The following ARHGEF1 variants were observed in gnomAD, a reference collection of about 807,000 sequenced individuals.
The protein encoded by ARHGEF1 is Rho guanine nucleotide exchange factor 1, also known as 115 kDa guanine nucleotide exchange factor.
A neutral mutation model predicts 119.7 loss-of-function variants in ARHGEF1; 40 were observed. The ratio of observed to expected loss-of-function variants is 0.33; its 90% CI spans 0.26 to 0.44. The LOEUF is 0.44. ARHGEF1 is among the 20% of genes least tolerant of loss of function. The pLI is 1.00. For missense variants in ARHGEF1, 976 were observed against 1,268.3 expected (o/e 0.77, Z 3.50); for synonymous variants, 494 against 521.0 (o/e 0.95, Z 0.71).
At chr19:41,922,332 C>T (rs1555852563), upstream of ARHGEF1, among the ~76,000 whole-genome samples, 1 of 152,108 alleles carries the variant, frequency 6.6e-6, no homozygotes, top group Non-Finnish European at 1.5e-5. Flanking sequence ...GGACAGAAAG[C>T]AGGAGATCAA....
Position 41,906,055 on chromosome 19 carries a change from C to T in ARHGEF1, c.2491+30C>T, listed in dbSNP as rs782214427. 3.8e-6 allele frequency: 6 copies of T among 1,599,874 alleles called. No individual in the cohort carries two copies. The African/African-American group carries it at 6.7e-5, about 18-fold the overall frequency. On this transcript the variant is annotated intron_variant, in intron 26 of 28. Coordinates refer to ENST00000354532, the MANE Select transcript of ARHGEF1 (RefSeq NM_004706.4). The surrounding 1 kb of genome is among the most constrained non-coding windows in gnomAD (Gnocchi z 4.5). ...CCCAGCTCTGCCCCTCCAGGGTGGCCACCAGCCCAAACAGTGCCTCTGTTC... is the reference window on the plus strand; with the variant it reads ...CCCAGCTCTGCCCCTCCAGGGTGGCTACCAGCCCAAACAGTGCCTCTGTTC...
chr19:41,913,128 C>T (rs1179685676), intron 18 of ARHGEF1, among the ~76,000 whole-genome samples: 1 of 152,066 alleles, frequency 6.6e-6, no homozygotes, highest in Non-Finnish European at 1.5e-5. Context: ...GCCCCGAGAC[C>T]CCGTTCCTTC....
Position 41,907,242 on chromosome 19 carries a change from G to T in ARHGEF1, c.*155G>T, listed in dbSNP as rs1298013038. ...CACGCCTGGGAGGGGCCCAGCTGGG[G>T]TTACTGGCCCCGCATGAGCCTCGGC... On this transcript the variant is annotated 3_prime_UTR_variant, in exon 29 of 29. Transcript: ENST00000354532. 1.3e-6 allele frequency: 2 copies of T among 1,521,276 alleles called. No individual in the cohort carries two copies. The highest frequency in any genetic ancestry group is 1.4e-5 in the African/African-American group (1 of 72,580). The allele number at this position is 1,521,276 out of a possible 1,614,324, so 94.2% of individuals were successfully genotyped here. A position where few individuals can be genotyped will look rare whatever the true frequency, so the allele number is the denominator to read the frequency against.
downstream of ARHGEF1, among the ~76,000 whole-genome samples, chr19:41,911,774 C>T (rs1327276804): frequency 1.3e-5 from 2 of 152,136 alleles, no homozygotes; most frequent in African/African-American, 4.8e-5. Flanking sequence ...ACACCCAACC[C>T]GATACTCCAT....
Position 41,903,338 on chromosome 19 carries a change from G to A in ARHGEF1, c.1770G>A (p.Leu590=), listed in dbSNP as rs782166356. 73 of 1,613,828 alleles carry A rather than the reference G, an allele frequency of 4.5e-5. No individual in the cohort carries two copies. The highest frequency in any genetic ancestry group is 5.8e-5 in the Non-Finnish European group (68 of 1,180,036). The stretch of plus-strand genomic sequence containing the variant: ...CCACAGAACGGGAGAAAGTGGAGCT[G>A]GCAGCCGAGTGCTGCCGGGAAATTC... The part of the protein sequence containing the change: ...EEPTEREKVE[L]AAECCREILH... Residue 590 remains leucine, a synonymous_variant, in exon 19 of 29, where the codon CTG becomes CTA. Coordinates refer to ENST00000354532, the MANE Select transcript of ARHGEF1 (RefSeq NM_004706.4). This position sits in a 1 kb window ranked among gnomAD's most constrained non-coding sequence, Gnocchi z 4.2.
downstream of ARHGEF1, chr19:41,907,527 C>T: frequency 1.1e-6 from 1 of 938,912 alleles, no homozygotes; most frequent in South Asian, 1.8e-5. Flanking sequence ...GCGTTGACAT[C>T]CTGGGTCTGT....
upstream of ARHGEF1, among the ~76,000 whole-genome samples, chr19:41,920,457 G>A (rs1416891315): frequency 4.9e-5 from 7 of 142,836 alleles, no homozygotes; most frequent in South Asian, 2.5e-4. Flanking sequence ...GACATGACAC[G>A]CCCAGACATG....
At position 41,892,036 on chromosome 19, in the gene ARHGEF1, G is replaced by A; in HGVS notation, c.237G>A (p.Leu79=). The change falls in exon 5 of 29, where the codon CTG becomes CTA. Residue 79 remains leucine, a synonymous_variant. Transcript: ENST00000354532. The surrounding 1 kb of genome is among the most constrained non-coding windows in gnomAD (Gnocchi z 6.3). ...TGTGTCTCCCCCAGCTTTGCTGTCTGCATGCCGACATGCTGGGCTCACTGG... is the reference window on the plus strand; with the variant it reads ...TGTGTCTCCCCCAGCTTTGCTGTCTACATGCCGACATGCTGGGCTCACTGG... ...QFEPGPLLCC[L]HADMLGSLGP... is the part of the protein sequence containing the mutation. 6.2e-7 allele frequency: 1 copy of A among 1,608,692 alleles called. No homozygotes were observed. Among genetic ancestry groups the A allele is most frequent in the Non-Finnish European group, 8.5e-7 (1 of 1,176,430 alleles).
chr19:41,897,258 G>T, intron 13 of ARHGEF1: 4 of 1,281,342 alleles, frequency 3.1e-6, no homozygotes, highest in Non-Finnish European at 3.1e-6. Flanking sequence ...TGGGTGCGGG[G>T]AGGTGGGTCA....
chr19:41,896,283 G>A (rs1417732409), intron 12 of ARHGEF1, 94 bp from the exon 13 acceptor site: 3 of 568,268 alleles, frequency 5.3e-6, no homozygotes, highest in Admixed American at 7.2e-5. Flanking sequence ...GCCAGGCACT[G>A]GGTAGCTTTA....
downstream of ARHGEF1, chr19:41,907,460 G>A: frequency 2.7e-6 from 4 of 1,478,090 alleles, no homozygotes; most frequent in East Asian, 7.6e-5. Context: ...AGAGATCTGT[G>A]TGTGTGATGG....
chr19:41,897,723 C>T (rs1370437155), intron 13 of ARHGEF1: 4 of 453,586 alleles, frequency 8.8e-6, no homozygotes, highest in African/African-American at 8.2e-5. Flanking sequence ...CCTGGTCTCT[C>T]CCTGTCTCTG....
At position 41,904,907 on chromosome 19, in the gene ARHGEF1, G is replaced by A; in HGVS notation, c.2162-42G>A. On this transcript the variant is annotated intron_variant, in intron 22 of 28. Coordinates refer to ENST00000354532, the MANE Select transcript of ARHGEF1 (RefSeq NM_004706.4). The surrounding 1 kb of genome is among the most constrained non-coding windows in gnomAD (Gnocchi z 8.4). The stretch of plus-strand genomic sequence containing the variant: ...GTGCTTAGGGAGGGGCAGGCACTGG[G>A]GGGACCTGGGCTCTGAGCCCCATCT... 1.9e-6 allele frequency: 3 copies of A among 1,558,270 alleles called. No homozygotes were observed. Among genetic ancestry groups the A allele is most frequent in the Non-Finnish European group, 2.7e-6 (3 of 1,129,748 alleles).
rs1555851602 is a variant in ARHGEF1, at chr19:41,914,606, C to CTGTCTA, written c.1865+7804_1865+7805insGTCTAT. 4.5e-4 allele frequency among the ~76,000 whole-genome samples: 27 copies of CTGTCTA among 59,580 alleles called. 2 individuals are homozygous for CTGTCTA. The highest frequency in any genetic ancestry group is 2.1e-3 in the African/African-American group (22 of 10,382). 39.1% of individuals were successfully genotyped at this position (59,580 alleles called of 152,430 possible). On this transcript the variant is annotated intron_variant, in intron 18 of 20. Coordinates refer to the ARHGEF1 transcript ENST00000599589. ...CCCTCCCTTTCCACCATCTCTGTCT[C>CTGTCTA]TCCCTCCCCTTCCACCATCTCTGTC... is the stretch of plus-strand genomic sequence containing the variant.
chr19:41,912,886 C>G, intron 18 of ARHGEF1: 1 of 1,231,236 alleles, frequency 8.1e-7, no homozygotes. Flanking sequence ...GCGGGCGGGG[C>G]GAAGAGAAGG....
Position 41,893,820 on chromosome 19 carries a change from T to TG in ARHGEF1, c.645-382dup, listed in dbSNP as rs1193144394. Reference sequence around the variant, plus strand: ...TCCTGGGTCTGAGGGAGGAGGGGGCTGGGGGCCTGGACTCCTGGGTCTGAG... The same window carrying TG: ...TCCTGGGTCTGAGGGAGGAGGGGGCTGGGGGGCCTGGACTCCTGGGTCTGAG... On this transcript the variant is annotated intron_variant, in intron 8 of 28. Coordinates refer to ENST00000354532, the MANE Select transcript of ARHGEF1 (RefSeq NM_004706.4). Among the ~76,000 whole-genome samples, 15 of 46,812 alleles carry TG rather than the reference T, an allele frequency of 3.2e-4. No homozygotes were observed. The South Asian group carries it at 8.7e-3, about 27-fold the overall frequency. 30.7% of individuals were successfully genotyped at this position (46,812 alleles called of 152,430 possible).
Position 41,901,883 on chromosome 19 carries a change from G to A in ARHGEF1, c.1268-4G>A. On this transcript the variant is annotated splice_polypyrimidine_tract_variant and splice_region_variant and intron_variant, in intron 14 of 28. Coordinates refer to ENST00000354532, the MANE Select transcript of ARHGEF1 (RefSeq NM_004706.4). The stretch of plus-strand genomic sequence containing the variant: ...ACATGCTTCCTGCTTTGGTGGCCCT[G>A]CAGAGCTGCTGGTGACAGAGGCGGC... The A allele has an allele frequency of 6.2e-7, 1 of 1,608,462 alleles. No individual in the cohort carries two copies. Among genetic ancestry groups the A allele is most frequent in the Non-Finnish European group, 8.5e-7 (1 of 1,179,872 alleles).
rs1555850031 is a variant in ARHGEF1, at chr19:41,905,770, C to T, written c.2347C>T (p.Pro783Ser). ...PRPSPSSTRE[P>S]LLSSSENGNG... ...ACTTCCTCCCCTCAGCACCCGAGAA[C>T]CCCTCCTCAGCAGCTCTGAGAACGG... The change falls in exon 25 of 29, where the codon CCC becomes TCC. Residue 783 changes from proline to serine, a missense_variant. Physicochemically the swap from Pro to Ser is moderately conservative, Grantham distance 74. Around this residue, in one of 3 missense-constraint regions of ARHGEF1, gnomAD observed 171 missense variants for 180.6 expected, o/e 0.95. Coordinates refer to ENST00000354532, the MANE Select transcript of ARHGEF1 (RefSeq NM_004706.4). The surrounding 1 kb of genome is among the most constrained non-coding windows in gnomAD (Gnocchi z 6.4). 1.9e-6 allele frequency: 3 copies of T among 1,614,112 alleles called. No individual in the cohort carries two copies. Among genetic ancestry groups the T allele is most frequent in the Non-Finnish European group, 2.5e-6 (3 of 1,180,014 alleles).
In ARHGEF1 at chr19:41,907,354, T is replaced by A. The variant is rs991598842; in HGVS notation, c.*267T>A. Reference sequence around the variant, plus strand: ...TGACCCGGGCCATCTCAGTATTGCCTGTGGGGGCCACCCCTCCACCCCCAC... The same window carrying A: ...TGACCCGGGCCATCTCAGTATTGCCAGTGGGGGCCACCCCTCCACCCCCAC... On this transcript the variant is annotated 3_prime_UTR_variant, in exon 29 of 29. Coordinates refer to ENST00000354532, the MANE Select transcript of ARHGEF1 (RefSeq NM_004706.4). The A allele has an allele frequency of 9.8e-6, 15 of 1,535,056 alleles. No individual in the cohort carries two copies. The highest frequency in any genetic ancestry group is 1.3e-5 in the Non-Finnish European group (15 of 1,146,524).
Sources: gnomAD v4.1 joint callset for allele counts (sites outside exome capture counted in the v4.1 genomes callset) on GRCh38, gnomAD v4.1.1 for gene constraint, gnomAD v4.1.1 regional missense constraint, Gnocchi (gnomAD v3.1) non-coding constraint, MANE v1.5 for transcripts, NCBI Gene and HGNC (gene_info 2026-07-23, HGNC 2026-07-21) for gene names.